MAST4: variants seen among roughly 807,000 people sequenced by gnomAD.
MAST4 encodes the protein microtubule-associated serine/threonine-protein kinase 4.
In MAST4, 89 loss-of-function variants were observed where a neutral mutation model predicts 162.7. That is an observed-to-expected ratio of 0.55 (90% CI 0.46 to 0.65). The LOEUF (loss-of-function observed/expected upper bound fraction) is 0.65. Among genes scored for constraint, MAST4 ranks in the 30% least tolerant of loss-of-function variants. The pLI, the probability that MAST4 is intolerant of heterozygous loss-of-function variation, is 0.00. For synonymous variants in MAST4, 1,479 were observed against 1,361.1 expected, an observed-to-expected ratio of 1.09 and a Z score of -1.91; for missense variants, 3,153 against 3,374.0, an observed-to-expected ratio of 0.93 and a Z score of 1.62.
intron 1 of MAST4, among the ~76,000 whole-genome samples, chr5:66,649,970 C>T (rs1746112765): frequency 6.6e-6 from 1 of 151,448 alleles, no homozygotes; most frequent in Non-Finnish European, 1.5e-5. Context: ...GGGCCTATAC[C>T]AATTCACCTT....
Position 67,169,170 on chromosome 5 carries a change from C to T in MAST4, c.*2119C>T, listed in dbSNP as rs1345615625. The T allele has an allele frequency of 6.6e-6, 1 of 152,212 alleles. No individual in the cohort carries two copies. The highest frequency in any genetic ancestry group is 2.4e-5 in the African/African-American group (1 of 41,436). 9.4% of individuals were successfully genotyped at this position (152,212 alleles called of 1,614,324 possible). ...TGGTTTACAAGCCTTTGCTTTTTAA[C>T]TGTCCAATTTCCTTTAAAGCACAAC... On this transcript the variant is annotated 3_prime_UTR_variant, in exon 29 of 29. Transcript: ENST00000403625.
At chr5:67,080,432 A>G (rs1239655324) in intron 5 of MAST4, among the ~76,000 whole-genome samples, 3 of 152,144 alleles carry the variant, frequency 2.0e-5, no homozygotes, top group African/African-American at 7.2e-5. Flanking sequence ...TGTGTAAGGT[A>G]GTGATTCTCT....
chr5:66,606,685 T>C (rs1239264875), intron 1 of MAST4, among the ~76,000 whole-genome samples: 2 of 152,152 alleles, frequency 1.3e-5, no homozygotes. Flanking sequence ...TCTTCGTGAA[T>C]CTCTCCCACT....
At chr5:67,057,244 A>G (rs1224027894) in intron 5 of MAST4, among the ~76,000 whole-genome samples, 4 of 152,124 alleles carry the variant, frequency 2.6e-5, no homozygotes, top group African/African-American at 9.7e-5. Flanking sequence ...TATGTTCTCT[A>G]TCCTGCGTTG....
At chr5:66,937,171 A>G (rs1304664542) in intron 4 of MAST4, among the ~76,000 whole-genome samples, 1 of 152,220 alleles carries the variant, frequency 6.6e-6, no homozygotes, top group African/African-American at 2.4e-5. Context: ...CTGTATGTCA[A>G]GCACTGCACA....
intron 1 of MAST4, among the ~76,000 whole-genome samples, chr5:66,714,315 C>T (rs1266346362): frequency 1.3e-5 from 2 of 152,232 alleles, no homozygotes; most frequent in Admixed American, 1.3e-4. Flanking sequence ...AGCCACCAGT[C>T]TCTGTGCCTG....
At chr5:67,049,025 ATATATATATATATATAC>A (rs1757768749) in intron 4 of MAST4, among the ~76,000 whole-genome samples, 2 of 69,082 alleles carry the variant, frequency 2.9e-5, no homozygotes, top group Admixed American at 1.7e-4. Context: ...ATATATACGT[ATATATATATATATATAC>A]GTGTATATAT....
chr5:66,720,683 C>G (rs1460630623), intron 1 of MAST4, among the ~76,000 whole-genome samples: 2 of 152,020 alleles, frequency 1.3e-5, no homozygotes, highest in Admixed American at 1.3e-4. Context: ...TATTCTAATC[C>G]TTTAATTTCT....
At position 67,109,970 on chromosome 5, in the gene MAST4, T is replaced by TA. The variant is rs1296317727; in HGVS notation, c.1357-126dup. 3 of 647,674 alleles carry TA rather than the reference T, an allele frequency of 4.6e-6. No homozygotes were observed. In the African/African-American group the frequency reaches 5.4e-5, roughly 12 times the overall value. 40.1% of individuals were successfully genotyped at this position (647,674 alleles called of 1,614,324 possible). A position where few individuals can be genotyped will look rare whatever the true frequency, so the allele number is the denominator to read the frequency against. On this transcript the variant is annotated intron_variant, in intron 10 of 28. Transcript: ENST00000403625. ...AGATAATGTCTGTTTATCAATCTTT[T>TA]AATAGCATTTTCTAAATTACTCGAT...
At chr5:66,739,576 C>T (rs1229030221) in intron 1 of MAST4, among the ~76,000 whole-genome samples, 1 of 152,186 alleles carries the variant, frequency 6.6e-6, no homozygotes, top group Non-Finnish European at 1.5e-5. Context: ...GCATATCTCT[C>T]AACGCCCTGG....
At chr5:67,110,021 TA>T (rs1354163628) in intron 10 of MAST4, 76 bp from the exon 11 acceptor site, 19 of 1,009,956 alleles carry the variant, frequency 1.9e-5, no homozygotes, top group Admixed American at 3.5e-5. Context: ...ATGATCTAAT[TA>T]GCATGCTTTG....
intron 23 of MAST4, among the ~76,000 whole-genome samples, chr5:67,146,115 ACT>A (rs1771054042): frequency 6.6e-6 from 1 of 152,166 alleles, no homozygotes; most frequent in Non-Finnish European, 1.5e-5. Context: ...GGAGTAAGAA[ACT>A]CTGGGTAATT....
intron 4 of MAST4, among the ~76,000 whole-genome samples, chr5:67,051,079 T>C (rs1209253185): frequency 6.6e-6 from 1 of 152,096 alleles, no homozygotes; most frequent in Non-Finnish European, 1.5e-5. Context: ...GCTCAAATGC[T>C]TAGATAAGGG....
At chr5:66,789,817 C>T (rs1755303487) in intron 3 of MAST4, 2 of 509,364 alleles carry the variant, frequency 3.9e-6, no homozygotes, top group Non-Finnish European at 7.8e-6. Flanking sequence ...AAATTTTCCC[C>T]AAGAATCCAT....
chr5:67,164,878 G>A lies in MAST4; in HGVS notation c.5699G>A (p.Arg1900Lys). 6.2e-7 allele frequency: 1 copy of A among 1,614,044 alleles called. No individual in the cohort carries two copies. The highest frequency in any genetic ancestry group is 1.7e-5 in the Admixed American group (1 of 60,032). The change falls in exon 29 of 29, where the codon AGG becomes AAG. Residue 1900 changes from arginine (R) to lysine (K), a missense_variant. Arg to Lys is a conservative substitution (Grantham distance 26). Transcript: ENST00000403625. The surrounding 1 kb of genome is among the most constrained non-coding windows in gnomAD (Gnocchi z 5.3). ...CCTGACCCAGAGTTCAAGAGGGACA[G>A]GAAAGGTCCCCATCCTACTGCCAGG... is the stretch of plus-strand genomic sequence containing the variant. Reference protein sequence around the residue: ...SLPDPEFKRDRKGPHPTARSP... With the variant: ...SLPDPEFKRDKKGPHPTARSP...
intron 24 of MAST4, among the ~76,000 whole-genome samples, chr5:67,150,941 G>A (rs562615726): frequency 4.1e-4 from 63 of 152,274 alleles, no homozygotes; most frequent in African/African-American, 2.2e-4. Context: ...TTGAAATAGT[G>A]GGTAGTATGG....
chr5:66,677,102 A>C (rs1244299475), intron 1 of MAST4, among the ~76,000 whole-genome samples: 1 of 152,182 alleles, frequency 6.6e-6, no homozygotes, highest in Non-Finnish European at 1.5e-5. Context: ...ACTGAGGAAA[A>C]TTTTGGCACA....
chr5:66,603,858 C>G (rs1742706148), intron 1 of MAST4, among the ~76,000 whole-genome samples: 1 of 152,198 alleles, frequency 6.6e-6, no homozygotes, highest in Non-Finnish European at 1.5e-5. Flanking sequence ...TAGTTCAGAG[C>G]ATCTTGTTCT....
At chr5:66,896,244 A>AT (rs1348418022) in intron 3 of MAST4, among the ~76,000 whole-genome samples, 2 of 152,116 alleles carry the variant, frequency 1.3e-5, no homozygotes, top group African/African-American at 4.8e-5. Flanking sequence ...AGGCTTTTTC[A>AT]CGATTAGACT....
Sources: gnomAD v4.1 joint callset for allele counts (sites outside exome capture counted in the v4.1 genomes callset) on GRCh38, gnomAD v4.1.1 for gene constraint, Gnocchi (gnomAD v3.1) non-coding constraint, MANE v1.5 for transcripts, NCBI Gene and HGNC (gene_info 2026-07-23, HGNC 2026-07-21) for gene names.